Variants in KAZN observed in about 807,000 individuals in gnomAD.
The protein encoded by KAZN is kazrin.
A neutral mutation model predicts 87.4 loss-of-function variants in KAZN; 40 were observed. That is an observed-to-expected ratio of 0.46 (90% CI 0.36 to 0.60). The LOEUF (loss-of-function observed/expected upper bound fraction) is 0.60. Among genes scored for constraint, KAZN ranks in the 20% least tolerant of loss-of-function variants. KAZN has a pLI of 0.00. For missense variants in KAZN, 898 were observed against 1,073.9 expected, an observed-to-expected ratio of 0.84 and a Z score of 2.29; for synonymous variants, 466 against 458.3, an observed-to-expected ratio of 1.02 and a Z score of -0.22.
intron 1 of KAZN, among the ~76,000 whole-genome samples, chr1:14,665,714 G>A (rs556365950): frequency 1.5e-4 from 23 of 152,172 alleles, no homozygotes; most frequent in African/African-American, 5.3e-4. Flanking sequence ...GAGAAAGCCC[G>A]GAGACCATTA....
chr1:14,855,936 C>A (rs1650047021), intron 1 of KAZN, among the ~76,000 whole-genome samples: 1 of 152,230 alleles, frequency 6.6e-6, no homozygotes, highest in Admixed American at 6.5e-5. Context: ...TACAGAGCTA[C>A]TGTCAAAGCA....
intron 1 of KAZN, among the ~76,000 whole-genome samples, chr1:13,990,577 T>C (rs999939474): frequency 1.3e-5 from 2 of 152,166 alleles, no homozygotes; most frequent in Non-Finnish European, 2.9e-5. Flanking sequence ...TCATTGACAG[T>C]AGTCTCTATA....
intron 1 of KAZN, among the ~76,000 whole-genome samples, chr1:14,706,266 C>A (rs1642202805): frequency 6.6e-6 from 1 of 151,870 alleles, no homozygotes; most frequent in Non-Finnish European, 1.5e-5. Flanking sequence ...TTATATATTA[C>A]AATATAATAA....
chr1:14,460,403 G>A (rs1667795980), intron 2 of KAZN, among the ~76,000 whole-genome samples: 2 of 152,188 alleles, frequency 1.3e-5, no homozygotes, highest in Non-Finnish European at 2.9e-5. Flanking sequence ...GGGAGCTTGA[G>A]CAAGGCGGTG....
intron 1 of KAZN, among the ~76,000 whole-genome samples, chr1:14,165,993 G>A (rs940043500): frequency 3.3e-5 from 5 of 152,030 alleles, no homozygotes; most frequent in Admixed American, 1.3e-4. Context: ...CGGAATATGC[G>A]TAAGGCCGGA....
chr1:15,075,930 C>T (rs975130922), intron 8 of KAZN, among the ~76,000 whole-genome samples: 4 of 152,244 alleles, frequency 2.6e-5, no homozygotes, highest in African/African-American at 9.6e-5. Context: ...CACTTCATCA[C>T]CCTTTGGTGG....
At chr1:14,169,869 T>G (rs1317745778) in intron 1 of KAZN, among the ~76,000 whole-genome samples, 1 of 152,098 alleles carries the variant, frequency 6.6e-6, no homozygotes, top group East Asian at 1.9e-4. Context: ...TGAAGTCACT[T>G]CCCAACAGCT....
chr1:14,030,669 CACACA>C (rs1641287774), intron 1 of KAZN, among the ~76,000 whole-genome samples: 1 of 151,566 alleles, frequency 6.6e-6, no homozygotes, highest in Non-Finnish European at 1.5e-5. Context: ...CACACACACA[CACACA>C]CACCAATCTA....
chr1:14,202,384 G>A (rs2100411852), intron 2 of KAZN, among the ~76,000 whole-genome samples: 1 of 152,348 alleles, frequency 6.6e-6, no homozygotes, highest in East Asian at 1.9e-4. Flanking sequence ...AGCTGAGACA[G>A]CATTACCAAC....
intron 2 of KAZN, among the ~76,000 whole-genome samples, chr1:14,293,129 A>C (rs1328686130): frequency 6.6e-6 from 1 of 152,236 alleles, no homozygotes; most frequent in Non-Finnish European, 1.5e-5. Flanking sequence ...AAACAAGGAA[A>C]GAGTCACAGA....
chr1:14,051,524 C>CTCTT (rs1347544597), intron 1 of KAZN, among the ~76,000 whole-genome samples: 1 of 152,218 alleles, frequency 6.6e-6, no homozygotes, highest in Non-Finnish European at 1.5e-5. Context: ...TTATCTGTTT[C>CTCTT]TCTTCAACTG....
chr1:14,275,794 T>C (rs893889601), intron 2 of KAZN, among the ~76,000 whole-genome samples: 1 of 152,104 alleles, frequency 6.6e-6, no homozygotes, highest in Non-Finnish European at 1.5e-5. Context: ...TGCAAGAGAG[T>C]GTCTCTAGAA....
Position 15,099,200 on chromosome 1 carries a change from A to G in KAZN, c.1548-2343A>G, listed in dbSNP as rs1022990521. Among the ~76,000 whole-genome samples, 35 of 152,060 alleles carry G rather than the reference A, an allele frequency of 2.3e-4. No homozygotes were observed. Among genetic ancestry groups the G allele is most frequent in the African/African-American group, 8.2e-4 (34 of 41,406 alleles). On this transcript the variant is annotated intron_variant, in intron 10 of 14. Transcript: ENST00000376030. This position sits in a 1 kb window ranked among gnomAD's most constrained non-coding sequence, Gnocchi z 5.4. The stretch of plus-strand genomic sequence containing the variant: ...GAGGCTGATGGGCAGAGGGAAGGAG[A>G]GTGAAGCCAAGCTGCAAGCCCATCC...
At chr1:13,931,677 T>G (rs114942000) in intron 1 of KAZN, among the ~76,000 whole-genome samples, 1,237 of 112,164 alleles carry the variant, frequency 0.011, 19 homozygotes, top group African/African-American at 0.035. Flanking sequence ...TCCCAATGAT[T>G]GTCATGTGTG....
chr1:14,941,262 G>A (rs368316030), intron 1 of KAZN, among the ~76,000 whole-genome samples: 12 of 152,102 alleles, frequency 7.9e-5, no homozygotes, highest in African/African-American at 2.4e-4. Context: ...CCACCCCAGT[G>A]CCATCAGGTC....
chr1:14,962,075 A>C (rs1230157691), intron 2 of KAZN, among the ~76,000 whole-genome samples: 3 of 152,236 alleles, frequency 2.0e-5, no homozygotes, highest in Non-Finnish European at 2.9e-5. Context: ...CTAACAGGGT[A>C]AAAGAGAGAA....
chr1:14,978,770 T>G (rs543310557), intron 2 of KAZN, among the ~76,000 whole-genome samples: 87 of 152,250 alleles, frequency 5.7e-4, no homozygotes, highest in African/African-American at 2.0e-3. Context: ...GCAGTCTTTC[T>G]GAGCTGCTCC....
chr1:14,947,062 T>A (rs189390367), intron 1 of KAZN, among the ~76,000 whole-genome samples: 51 of 152,250 alleles, frequency 3.3e-4, no homozygotes, highest in African/African-American at 1.1e-3. Context: ...ACTGAGACAC[T>A]GGGTGTTATG....
At chr1:14,893,816 C>A (rs1410580279) in intron 1 of KAZN, among the ~76,000 whole-genome samples, 1 of 152,140 alleles carries the variant, frequency 6.6e-6, no homozygotes, top group African/African-American at 2.4e-5. Flanking sequence ...ACCCTCTGAA[C>A]ATAAAAGTCT....
Sources: gnomAD v4.1 joint callset for allele counts (sites outside exome capture counted in the v4.1 genomes callset) on GRCh38, gnomAD v4.1.1 for gene constraint, Gnocchi (gnomAD v3.1) non-coding constraint, MANE v1.5 for transcripts, NCBI Gene and HGNC (gene_info 2026-07-23, HGNC 2026-07-21) for gene names.